ZSWIM5: variants seen among roughly 807,000 people sequenced by gnomAD.
ZSWIM5 encodes zinc finger SWIM-type containing 5.
In ZSWIM5, 55 loss-of-function variants were observed where a neutral mutation model predicts 119.6. That is an observed-to-expected ratio of 0.46 (90% confidence interval 0.37 to 0.58). The LOEUF is 0.58. Ranked by LOEUF, ZSWIM5 falls within the 20% of genes least tolerant of loss-of-function variation. The pLI is 0.00. For synonymous variants in ZSWIM5, 537 were observed against 606.9 expected (o/e 0.88, Z 1.69); for missense variants, 1,193 against 1,512.8 (o/e 0.79, Z 3.51).
In ZSWIM5 at chr1:45,177,049, T is replaced by A. The variant is rs566477650; in HGVS notation, c.595+28707A>T. Among the ~76,000 whole-genome samples, 173 of 151,702 alleles carry A rather than the reference T, an allele frequency of 1.1e-3. 1 individual carries two copies. The highest frequency in any genetic ancestry group is 3.8e-3 in the African/African-American group (157 of 41,386). ...GGACTAAAGTTTTCAGGAAGGGAAGTCAGAAGAAAAGGGAATGATTAAGGA... is the reference window on the plus strand; with the variant it reads ...GGACTAAAGTTTTCAGGAAGGGAAGACAGAAGAAAAGGGAATGATTAAGGA... On this transcript the variant is annotated intron_variant, in intron 1 of 13. Transcript: ENST00000359600.
chr1:45,079,091 T>C (rs1645273084), intron 2 of ZSWIM5, among the ~76,000 whole-genome samples: 1 of 152,146 alleles, frequency 6.6e-6, no homozygotes, highest in African/African-American at 2.4e-5. Context: ...GACATTACCT[T>C]GTGAAATTCC....
At chr1:45,191,339 G>C (rs936549240) in intron 1 of ZSWIM5, among the ~76,000 whole-genome samples, 1 of 152,186 alleles carries the variant, frequency 6.6e-6, no homozygotes, top group South Asian at 2.1e-4. Flanking sequence ...GACAGCCCGT[G>C]AATCAGCTGA....
intron 2 of ZSWIM5, among the ~76,000 whole-genome samples, chr1:45,079,687 G>A (rs1032124171): frequency 6.6e-6 from 1 of 152,118 alleles, no homozygotes; most frequent in Non-Finnish European, 1.5e-5. Context: ...CAAGTGGAAG[G>A]CATCTTGCCC....
intron 2 of ZSWIM5, among the ~76,000 whole-genome samples, chr1:45,076,402 A>G (rs1645256815): frequency 6.6e-6 from 1 of 152,128 alleles, no homozygotes; most frequent in African/African-American, 2.4e-5. Flanking sequence ...CTTTAGGATC[A>G]AAGTTTTTTT....
At position 45,132,177 on chromosome 1, in the gene ZSWIM5, AAACATCAT is replaced by A. The variant is rs540863323; in HGVS notation, c.596-43948_596-43941del. Among the ~76,000 whole-genome samples, 417 of 151,892 alleles carry A rather than the reference AAACATCAT, an allele frequency of 2.7e-3. 2 individuals are homozygous for A. Among genetic ancestry groups the A allele is most frequent in the African/African-American group, 9.4e-3 (390 of 41,488 alleles). On this transcript the variant is annotated intron_variant, in intron 1 of 13. Transcript: ENST00000359600. ...TATTTATATATGTACTTGTATATGA[AAACATCAT>A]GTTGTATACATTAAATTTATACAAC...
At chr1:45,200,640 AT>A (rs1013239197) in intron 1 of ZSWIM5, among the ~76,000 whole-genome samples, 3 of 152,176 alleles carry the variant, frequency 2.0e-5, no homozygotes, top group African/African-American at 2.4e-5. Flanking sequence ...CACAGTCATC[AT>A]TTTTTATCAA....
At chr1:45,092,873 G>A (rs1447841177) in intron 1 of ZSWIM5, among the ~76,000 whole-genome samples, 1 of 152,224 alleles carries the variant, frequency 6.6e-6, no homozygotes. Flanking sequence ...AAAATTTCCA[G>A]CCTGCCCTGC....
chr1:45,066,520 G>A (rs116179060), intron 2 of ZSWIM5, among the ~76,000 whole-genome samples: 3,169 of 152,174 alleles, frequency 0.021, 127 homozygotes, highest in African/African-American at 0.072. Context: ...GGCAGAGAGT[G>A]GAAGAAATAC....
At position 45,039,063 on chromosome 1, in the gene ZSWIM5, C is replaced by G. The variant is rs755861191; in HGVS notation, c.1767G>C (p.Gln589His). 1 of 1,614,138 alleles carries G rather than the reference C, an allele frequency of 6.2e-7. No individual in the cohort carries two copies. Among genetic ancestry groups the G allele is most frequent in the Non-Finnish European group, 8.5e-7 (1 of 1,180,008 alleles). The stretch of plus-strand genomic sequence containing the variant: ...GGTTTGTGATGGTTGTGGTTCCTCT[C>G]TGCAACAGTTCTGGAAACAAGCAGG... ...IYKHQKKELL[Q>H]RGTTTITNLE... The change falls in exon 8 of 14, where the codon CAG becomes CAC. Residue 589 changes from glutamine (Q) to histidine (H), a missense_variant. By Grantham distance (24) the Gln-to-His change is conservative. Transcript: ENST00000359600.
At chr1:45,078,232 A>C (rs554952512) in intron 2 of ZSWIM5, among the ~76,000 whole-genome samples, 1 of 152,232 alleles carries the variant, frequency 6.6e-6, no homozygotes, top group Non-Finnish European at 1.5e-5. Context: ...ATGTCCATAA[A>C]ATCTTCACAA....
intron 1 of ZSWIM5, among the ~76,000 whole-genome samples, chr1:45,170,569 CACGT>C (rs1463995096): frequency 6.9e-6 from 1 of 144,778 alleles, no homozygotes; most frequent in African/African-American, 2.6e-5. Flanking sequence ...GGATTACAGG[CACGT>C]ACCACCATGC....
intron 1 of ZSWIM5, among the ~76,000 whole-genome samples, chr1:45,172,538 T>G (rs921604904): frequency 1.3e-5 from 2 of 152,166 alleles, no homozygotes; most frequent in African/African-American, 4.8e-5. Flanking sequence ...GAATGGCTGT[T>G]GTAATTGGTA....
At position 45,057,435 on chromosome 1, in the gene ZSWIM5, C is replaced by T. The variant is rs1026969564; in HGVS notation, c.1252+1174G>A. ...GCCATCTCTACTTACTTCCTCCCAA[C>T]TACCTTTGTCCCAGAGGTAAAGCCC... On this transcript the variant is annotated intron_variant, in intron 4 of 13. Transcript: ENST00000359600. The surrounding 1 kb of genome is among the most constrained non-coding windows in gnomAD (Gnocchi z 4.7). Among the ~76,000 whole-genome samples the T allele has an allele frequency of 6.6e-6, 1 of 152,240 alleles. No homozygotes were observed. The highest frequency in any genetic ancestry group is 2.1e-4 in the South Asian group (1 of 4,838).
intron 1 of ZSWIM5, among the ~76,000 whole-genome samples, chr1:45,164,908 G>A (rs568972348): frequency 2.4e-4 from 37 of 152,146 alleles, no homozygotes; most frequent in East Asian, 5.8e-4. Flanking sequence ...ACAGATCAAC[G>A]AGACAGAAAG....
chr1:45,068,792 CTTTTTTTTTTTTTTT>C lies in ZSWIM5; in HGVS notation c.953-8560_953-8546del, dbSNP rs758235271. On this transcript the variant is annotated intron_variant, in intron 2 of 13. Transcript: ENST00000359600. ...TCACTGTTTTGTTGCTGTTGTATGT[CTTTTTTTTTTTTTTT>C]TTTTTTTTTTTTTCTGAGACAGGAT... Among the ~76,000 whole-genome samples the C allele has an allele frequency of 2.1e-4, 10 of 46,730 alleles. 1 individual carries two copies. The highest frequency in any genetic ancestry group is 2.9e-4 in the Non-Finnish European group (8 of 27,740). The allele number at this position is 46,730 out of a possible 152,430, so 30.7% of individuals were successfully genotyped here. A position where few individuals can be genotyped will look rare whatever the true frequency, so the allele number is the denominator to read the frequency against.
chr1:45,085,433 T>C (rs1645321138), intron 2 of ZSWIM5, among the ~76,000 whole-genome samples: 1 of 152,220 alleles, frequency 6.6e-6, no homozygotes. Context: ...AAACGGGGAA[T>C]TGTTTTCTAC....
intron 2 of ZSWIM5, among the ~76,000 whole-genome samples, chr1:45,060,521 G>C (rs1645146526): frequency 6.6e-6 from 1 of 152,138 alleles, no homozygotes; most frequent in Non-Finnish European, 1.5e-5. Flanking sequence ...GGGGAAAAAA[G>C]GTTAGAAGAG....
At chr1:45,126,088 A>T (rs1351672471) in intron 1 of ZSWIM5, among the ~76,000 whole-genome samples, 4 of 151,736 alleles carry the variant, frequency 2.6e-5, no homozygotes, top group Admixed American at 6.6e-5. Flanking sequence ...AATTAAATTT[A>T]AAAAAAATTT....
At chr1:45,194,011 A>G (rs1449449195) in intron 1 of ZSWIM5, among the ~76,000 whole-genome samples, 1 of 152,050 alleles carries the variant, frequency 6.6e-6, no homozygotes, top group Non-Finnish European at 1.5e-5. Flanking sequence ...AAAGACTACA[A>G]TAATATAATA....
Sources: gnomAD v4.1 joint callset for allele counts (sites outside exome capture counted in the v4.1 genomes callset) on GRCh38, gnomAD v4.1.1 for gene constraint, Gnocchi (gnomAD v3.1) non-coding constraint, MANE v1.5 for transcripts, NCBI Gene and HGNC (gene_info 2026-07-23, HGNC 2026-07-21) for gene names.